SPEF2: variants seen among roughly 807,000 people sequenced by gnomAD.
SPEF2 encodes the protein sperm flagella and cilia-associated protein 2.
In SPEF2, 187 loss-of-function variants were observed where a neutral mutation model predicts 224.6. That is an observed-to-expected ratio of 0.83 (90% confidence interval 0.74 to 0.94). SPEF2 has a LOEUF of 0.94. SPEF2 is among the 40% of genes least tolerant of loss of function. The probability of loss-of-function intolerance (pLI) is 0.00; values close to 1 mark genes in which losing one functional copy is unlikely to be tolerated. For synonymous variants in SPEF2, 715 were observed against 707.3 expected, an observed-to-expected ratio of 1.01 and a Z score of -0.17; for missense variants, 2,170 against 2,135.6, an observed-to-expected ratio of 1.02 and a Z score of -0.32.
intron 16 of SPEF2, among the ~76,000 whole-genome samples, chr5:35,703,208 G>T (rs1739045419): frequency 6.6e-6 from 1 of 151,856 alleles, no homozygotes; most frequent in South Asian, 2.1e-4. Context: ...TAAGAATAAA[G>T]GTTGTGTATT....
chr5:35,721,772 G>A (rs1431283420), intron 20 of SPEF2, among the ~76,000 whole-genome samples: 1 of 152,160 alleles, frequency 6.6e-6, no homozygotes, highest in Non-Finnish European at 1.5e-5. Flanking sequence ...CAGTTGCTGG[G>A]TGGGGTCCTT....
chr5:35,771,624 C>T lies in SPEF2; in HGVS notation c.3817C>T (p.His1273Tyr). The change falls in exon 27 of 37, where the codon CAT becomes TAT. Residue 1273 changes from histidine (H) to tyrosine (Y), a missense_variant. By Grantham distance (83) the His-to-Tyr change is moderately conservative (BLOSUM62 2). Transcript: ENST00000356031. ...AVSHMVAAEI[H>Y]QRLMEEEKEN... is the part of the protein sequence containing the mutation. ...ACGCAACCAGGTGGCTGCTGAAATT[C>T]ATCAGAGGCTTATGGAAGAAGAAAA... 6.2e-7 allele frequency: 1 copy of T among 1,604,884 alleles called. No individual in the cohort carries two copies. Among genetic ancestry groups the T allele is most frequent in the African/African-American group, 1.4e-5 (1 of 74,058 alleles).
intron 2 of SPEF2, among the ~76,000 whole-genome samples, chr5:35,635,106 G>A (rs986556961): frequency 3.3e-5 from 5 of 151,878 alleles, no homozygotes; most frequent in Non-Finnish European, 7.4e-5. Context: ...TTGAGGTTCT[G>A]GTCATTTTTC....
intron 14 of SPEF2, 129 bp downstream of exon 14, chr5:35,695,925 G>A (rs1261630475): frequency 8.5e-6 from 5 of 590,038 alleles, no homozygotes; most frequent in East Asian, 6.3e-5. Context: ...TAATTTGATG[G>A]TATAATATTA....
chr5:35,737,628 G>T (rs1298465795), intron 21 of SPEF2, among the ~76,000 whole-genome samples: 2 of 152,048 alleles, frequency 1.3e-5, no homozygotes, highest in Admixed American at 1.3e-4. Context: ...GGACATTTGG[G>T]TTGGTTCCAA....
intron 10 of SPEF2, among the ~76,000 whole-genome samples, chr5:35,682,498 A>G (rs1461500764): frequency 6.6e-6 from 1 of 152,218 alleles, no homozygotes; most frequent in African/African-American, 2.4e-5. Context: ...TAATTCTGAA[A>G]TATTTAGAAC....
intron 3 of SPEF2, 47 bp downstream of exon 3, chr5:35,641,730 G>A: frequency 6.4e-7 from 1 of 1,564,258 alleles, no homozygotes; most frequent in Non-Finnish European, 8.6e-7. Context: ...TGTAAAATTT[G>A]ATAAAGAGAA....
intron 34 of SPEF2, among the ~76,000 whole-genome samples, chr5:35,803,694 C>T (rs1757731449): frequency 6.6e-6 from 1 of 152,204 alleles, no homozygotes; most frequent in Non-Finnish European, 1.5e-5. Flanking sequence ...GTTTCCTGGG[C>T]AACCCTGTCC....
intron 10 of SPEF2, among the ~76,000 whole-genome samples, chr5:35,674,517 TCCCTCCC>T (rs1290880118): frequency 8.9e-6 from 1 of 112,200 alleles, no homozygotes; most frequent in East Asian, 3.1e-4. Context: ...CCTAATGCTC[TCCCTCCC>T]CCCTCCCCCG....
chr5:35,654,447 A>C, intron 6 of SPEF2, 93 bp from the exon 7 acceptor site: 1 of 1,003,820 alleles, frequency 1.0e-6, no homozygotes, highest in Non-Finnish European at 1.4e-6. Context: ...AACTCAAGGG[A>C]TCCTTCTCCT....
At position 35,671,341 on chromosome 5, in the gene SPEF2, A is replaced by G. The variant is rs956019474; in HGVS notation, c.1524+1114A>G. The G allele has an allele frequency of 6.3e-6, 6 of 946,820 alleles. No individual in the cohort carries two copies. In the South Asian group the frequency reaches 1.5e-4, roughly 23 times the overall value. 58.7% of individuals were successfully genotyped at this position (946,820 alleles called of 1,614,324 possible). ...TATGAGATTATGAGAAATTAAATGT[A>G]TACTATATTTTAATTAAATGAATCT... On this transcript the variant is annotated intron_variant, in intron 10 of 36. Transcript: ENST00000356031.
chr5:35,658,736 T>C (rs558228770), intron 7 of SPEF2, among the ~76,000 whole-genome samples: 3 of 152,236 alleles, frequency 2.0e-5, no homozygotes, highest in African/African-American at 7.2e-5. Flanking sequence ...TTTAAAACCT[T>C]GAAAAAAAAT....
chr5:35,786,457 C>T lies in SPEF2; in HGVS notation c.4448-5883C>T, dbSNP rs564018759. On this transcript the variant is annotated intron_variant, in intron 30 of 36. Transcript: ENST00000356031. ...GGTGGTTCACCTGAGGTCAGGAGTT[C>T]GAGACCAGCCTGACCAATATGGTGA... Among the ~76,000 whole-genome samples the T allele has an allele frequency of 3.3e-5, 5 of 152,030 alleles. No individual in the cohort carries two copies. The South Asian group carries it at 8.3e-4, about 25-fold the overall frequency.
chr5:35,738,960 G>A (rs1430507787), intron 21 of SPEF2, among the ~76,000 whole-genome samples: 1 of 151,992 alleles, frequency 6.6e-6, no homozygotes, highest in African/African-American at 2.4e-5. Flanking sequence ...CCAGCAATTT[G>A]ATGTTTGTTC....
chr5:35,728,254 C>T (rs938734168), intron 21 of SPEF2, among the ~76,000 whole-genome samples: 36 of 151,216 alleles, frequency 2.4e-4, no homozygotes, highest in African/African-American at 8.6e-4. Context: ...TAACTAAACC[C>T]ATGAAAGAAC....
rs574510308 is a variant in SPEF2, at chr5:35,753,538, G to C, written c.3331-86G>C. 20 of 1,573,180 alleles carry C rather than the reference G, an allele frequency of 1.3e-5. No individual in the cohort carries two copies. In the South Asian group the frequency reaches 2.2e-4, roughly 17 times the overall value. On this transcript the variant is annotated intron_variant, in intron 23 of 36. Coordinates refer to ENST00000356031, the MANE Select transcript of SPEF2 (RefSeq NM_024867.4). ...AATTTCTTTAGAGACATTTTTAAGA[G>C]AGGCAAAGGATTTTAGTTTTATTGC... is the stretch of plus-strand genomic sequence containing the variant.
Position 35,670,041 on chromosome 5 carries a change from C to CTTTT in SPEF2, c.1356-13_1356-10dup. On this transcript the variant is annotated splice_polypyrimidine_tract_variant and intron_variant, in intron 9 of 36. Coordinates refer to ENST00000356031, the MANE Select transcript of SPEF2 (RefSeq NM_024867.4). The stretch of plus-strand genomic sequence containing the variant: ...TGACTAACCATTGATTCATCTCTAC[C>CTTTT]TTTTTTTTGTGCGATAGTCTGATTC... 6.4e-7 allele frequency: 1 copy of CTTTT among 1,567,190 alleles called. No individual in the cohort carries two copies. The highest frequency in any genetic ancestry group is 8.6e-7 in the Non-Finnish European group (1 of 1,159,040).
chr5:35,651,180 A>T (rs1447810061), intron 6 of SPEF2, among the ~76,000 whole-genome samples: 2 of 152,240 alleles, frequency 1.3e-5, no homozygotes, highest in East Asian at 3.8e-4. Flanking sequence ...ATTGGAGAGC[A>T]TTCAGTCACA....
intron 10 of SPEF2, among the ~76,000 whole-genome samples, chr5:35,684,480 A>G (rs1473859477): frequency 6.6e-6 from 1 of 152,142 alleles, no homozygotes; most frequent in Non-Finnish European, 1.5e-5. Context: ...GCCACATTCT[A>G]CAGCTAGTGA....
Sources: allele counts gnomAD v4.1 joint callset (sites outside exome capture counted in the v4.1 genomes callset), GRCh38; gene constraint gnomAD v4.1.1; transcripts MANE v1.5; gene names NCBI Gene and HGNC (gene_info 2026-07-23, HGNC 2026-07-21).